The following CHTF8 variants were observed in gnomAD, a reference collection of about 807,000 sequenced individuals.
The protein encoded by CHTF8 is chromosome transmission fidelity factor 8.
Under a neutral mutation model 11.0 loss-of-function variants are expected in CHTF8, and 6 were observed. The ratio of observed to expected loss-of-function variants is 0.55; its 90% CI spans 0.30 to 1.08. The LOEUF is 1.08. Ranked by LOEUF, CHTF8 falls within the 50% of genes least tolerant of loss-of-function variation. The pLI, the probability that CHTF8 is intolerant of heterozygous loss-of-function variation, is 0.07. For synonymous variants in CHTF8, 53 were observed against 60.5 expected (o/e 0.88, Z 0.57); for missense variants, 140 against 153.1 (o/e 0.91, Z 0.45).
In CHTF8 at chr16:69,120,459, T is replaced by C. The variant is rs746803241; in HGVS notation, c.332A>G (p.Lys111Arg). The C allele has an allele frequency of 3.7e-6, 6 of 1,614,146 alleles. No individual in the cohort carries two copies. The Admixed American group carries it at 1.0e-4, about 27-fold the overall frequency. Residue 111 changes from lysine (K) to arginine (R), a missense_variant, in exon 4 of 4, where the codon AAG becomes AGG. Transcript: ENST00000448552. This position sits in a 1 kb window ranked among gnomAD's most constrained non-coding sequence, Gnocchi z 4.0. The part of the protein sequence containing the change: ...KDKILFKTRP[K>R]PIITSVPKKV ...CTTGGGGACGCTGGTGATAATGGGC[T>C]TGGGGCGGGTTTTGAAAAGGATCTT... is the stretch of plus-strand genomic sequence containing the variant.
intron 1 of CHTF8, among the ~76,000 whole-genome samples, chr16:69,127,304 A>G (rs1473729299): frequency 6.6e-6 from 1 of 152,102 alleles, no homozygotes; most frequent in Admixed American, 6.6e-5. Context: ...GAGAGTAGAC[A>G]GAGTGAGTAG....
chr16:69,130,313 G>T (rs935151260), intron 1 of CHTF8, among the ~76,000 whole-genome samples: 43 of 119,852 alleles, frequency 3.6e-4, no homozygotes, highest in African/African-American at 1.2e-3. Context: ...TAGAAATTTT[G>T]TTTTTTTTTC....
chr16:69,123,933 A>AC (rs1567591135), intron 1 of CHTF8, among the ~76,000 whole-genome samples: 1 of 135,888 alleles, frequency 7.4e-6, no homozygotes, highest in Admixed American at 7.6e-5. Flanking sequence ...ACTAAAAAAA[A>AC]AAAAAAAAAA....
At position 69,120,644 on chromosome 16, in the gene CHTF8, G is replaced by A. The variant is rs776820006; in HGVS notation, c.147C>T (p.Ile49=). ...LGDLHYTTEG[I]PVLIVGHHIL... ...TATGATGCCCCACGATCAGCACAGG[G>A]ATTCCCTTTGGCAGAACAAGAACGA... Residue 49 remains isoleucine, a synonymous_variant, in exon 4 of 4, where the codon ATC becomes ATT. Coordinates refer to ENST00000448552, the MANE Select transcript of CHTF8 (RefSeq NM_001039690.5). This position sits in a 1 kb window ranked among gnomAD's most constrained non-coding sequence, Gnocchi z 4.0. The A allele has an allele frequency of 6.2e-7, 1 of 1,608,086 alleles. No individual in the cohort carries two copies. Among genetic ancestry groups the A allele is most frequent in the Non-Finnish European group, 8.5e-7 (1 of 1,175,138 alleles).
At chr16:69,122,286 AGAT>A (rs1227307684) in intron 1 of CHTF8, among the ~76,000 whole-genome samples, 1 of 152,214 alleles carries the variant, frequency 6.6e-6, no homozygotes, top group African/African-American at 2.4e-5. Flanking sequence ...ACTAAGGAAA[AGAT>A]GATATGAACC....
intron 1 of CHTF8, among the ~76,000 whole-genome samples, chr16:69,127,608 T>C (rs937157049): frequency 6.9e-6 from 1 of 145,958 alleles, no homozygotes; most frequent in African/African-American, 2.6e-5. Flanking sequence ...CAACTTTTTT[T>C]TTTTTTTTTT....
intron 1 of CHTF8, chr16:69,131,172 G>A (rs2090036426): frequency 6.6e-6 from 1 of 152,122 alleles, no homozygotes; most frequent in Admixed American, 6.5e-5. Flanking sequence ...TGGAGGGTTG[G>A]TGGAATTGAA....
At chr16:69,122,363 TTC>T (rs1206375659) in intron 1 of CHTF8, among the ~76,000 whole-genome samples, 5 of 150,164 alleles carry the variant, frequency 3.3e-5, no homozygotes, top group East Asian at 1.9e-4. Flanking sequence ...CTTAAGGATA[TTC>T]TTTTTTTTTT....
intron 1 of CHTF8, among the ~76,000 whole-genome samples, chr16:69,127,098 C>A (rs866934520): frequency 6.6e-6 from 1 of 151,992 alleles, no homozygotes; most frequent in Non-Finnish European, 1.5e-5. Context: ...ATTAGCCGCG[C>A]GTGGTGGCGG....
chr16:69,120,629 C>T lies in CHTF8; in HGVS notation c.162G>A (p.Val54=). 1 of 1,612,062 alleles carries T rather than the reference C, an allele frequency of 6.2e-7. No individual in the cohort carries two copies. The highest frequency in any genetic ancestry group is 8.5e-7 in the Non-Finnish European group (1 of 1,178,348). The change falls in exon 4 of 4, where the codon GTG becomes GTA. Residue 54 remains valine (V), a synonymous_variant. Transcript: ENST00000448552. This position sits in a 1 kb window ranked among gnomAD's most constrained non-coding sequence, Gnocchi z 4.0. ...TTTTCCCATACAGGATATGATGCCC[C>T]ACGATCAGCACAGGGATTCCCTTTG... ...YTTEGIPVLI[V]GHHILYGKII... is the part of the protein sequence containing the mutation.
chr16:69,118,383 ATGACCAGGTCCAAGC>A lies in CHTF8; in HGVS notation c.*2027_*2041del. ...CCAGGGAAAGGTATGGCAGTAGAGG[ATGACCAGGTCCAAGC>A]TGCCCAGGTCAGAGCTACGGAAGCA... On this transcript the variant is annotated 3_prime_UTR_variant, in exon 4 of 4. Coordinates refer to ENST00000448552, the MANE Select transcript of CHTF8 (RefSeq NM_001039690.5). The A allele has an allele frequency of 6.2e-7, 1 of 1,612,080 alleles. No individual in the cohort carries two copies. The highest frequency in any genetic ancestry group is 2.2e-5 in the East Asian group (1 of 44,874).
rs1428675809 is a variant in CHTF8 at position 69,132,508 on chromosome 16, G to C, written c.-60C>G. 1 of 281,212 alleles carries C rather than the reference G, an allele frequency of 3.6e-6. No homozygotes were observed. The highest frequency in any genetic ancestry group is 5.8e-5 in the Admixed American group (1 of 17,178). 17.4% of individuals were successfully genotyped at this position (281,212 alleles called of 1,614,324 possible). A position where few individuals can be genotyped will look rare whatever the true frequency, so the allele number is the denominator to read the frequency against. On this transcript the variant is annotated 5_prime_UTR_variant, in exon 1 of 4. Coordinates refer to ENST00000448552, the MANE Select transcript of CHTF8 (RefSeq NM_001039690.5). ...CCTGCAATGGCGGCCGCCGAGCGCG[G>C]CGCCGCGCGGCCAACGGGCGACAAC...
rs771822960 is a variant in CHTF8 at position 69,120,373 on chromosome 16, G to A, written c.*52C>T. On this transcript the variant is annotated 3_prime_UTR_variant, in exon 4 of 4. Transcript: ENST00000448552. The surrounding 1 kb of genome is among the most constrained non-coding windows in gnomAD (Gnocchi z 4.0). ...GTCGAGCCGTCCTCGAGGTGGCAGCGGAGCACGAGTCCAAGGAGTTGGCCG... is the reference window on the plus strand; with the variant it reads ...GTCGAGCCGTCCTCGAGGTGGCAGCAGAGCACGAGTCCAAGGAGTTGGCCG... 20 of 1,573,094 alleles carry A rather than the reference G, an allele frequency of 1.3e-5. No individual in the cohort carries two copies. Among genetic ancestry groups the A allele is most frequent in the South Asian group, 4.4e-5 (4 of 90,254 alleles).
rs1962129389 is a variant in CHTF8 at position 69,127,209 on chromosome 16, G to A, written c.-36+5275C>T. 2.0e-5 allele frequency among the ~76,000 whole-genome samples: 3 copies of A among 150,636 alleles called. No homozygotes were observed. The South Asian group carries it at 6.3e-4, about 32-fold the overall frequency. On this transcript the variant is annotated intron_variant, in intron 1 of 3. Coordinates refer to ENST00000448552, the MANE Select transcript of CHTF8 (RefSeq NM_001039690.5). ...GCTGAGATTGCGCCACCACACTCCA[G>A]CCTGGGCAACAAAGAGCAAAACTCC...
intron 1 of CHTF8, among the ~76,000 whole-genome samples, chr16:69,126,177 T>C (rs1477921222): frequency 6.6e-6 from 1 of 152,180 alleles, no homozygotes; most frequent in Admixed American, 6.5e-5. Flanking sequence ...GGTGTTCACA[T>C]AGGTACACGG....
intron 3 of CHTF8, 46 bp downstream of exon 3, chr16:69,121,006 AG>A: frequency 6.6e-7 from 1 of 1,509,554 alleles, no homozygotes; most frequent in Non-Finnish European, 9.2e-7. Flanking sequence ...ACCTTGGTGT[AG>A]CTTGCTTTCC....
intron 1 of CHTF8, 55 bp downstream of exon 1, chr16:69,132,429 C>A: frequency 5.8e-6 from 1 of 173,594 alleles, no homozygotes. Flanking sequence ...CGCCCCCAAT[C>A]CCGGCTCGGC....
At chr16:69,130,185 A>T (rs912075549) in intron 1 of CHTF8, among the ~76,000 whole-genome samples, 3 of 152,254 alleles carry the variant, frequency 2.0e-5, no homozygotes, top group Non-Finnish European at 4.4e-5. Flanking sequence ...GTGGCAGAAG[A>T]AAGTGTGATA....
At chr16:69,121,768 T>C (rs1597111008) in intron 1 of CHTF8, among the ~76,000 whole-genome samples, 1 of 148,742 alleles carries the variant, frequency 6.7e-6, no homozygotes, top group African/African-American at 2.5e-5. Context: ...CCGGGGTTCA[T>C]GCCATTCTCC....
Sources: allele counts gnomAD v4.1 joint callset (sites outside exome capture counted in the v4.1 genomes callset), GRCh38; gene constraint gnomAD v4.1.1; non-coding constraint Gnocchi (gnomAD v3.1); transcripts MANE v1.5; gene names NCBI Gene and HGNC (gene_info 2026-07-23, HGNC 2026-07-21).